The following TNRC6C variants were observed in gnomAD, a reference collection of about 807,000 sequenced individuals.
TNRC6C encodes the protein trinucleotide repeat containing adaptor 6C.
Under a neutral mutation model 153.7 loss-of-function variants are expected in TNRC6C, and 20 were observed. The observed-to-expected ratio is 0.13, with a 90% confidence interval of 0.09 to 0.19. The LOEUF is 0.19. Ranked by LOEUF, TNRC6C falls within the 10% of genes least tolerant of loss-of-function variation. The pLI, the probability that TNRC6C is intolerant of heterozygous loss-of-function variation, is 1.00. For synonymous variants in TNRC6C, 811 were observed against 841.4 expected (o/e 0.96, Z 0.63); for missense variants, 1,987 against 2,172.0 (o/e 0.91, Z 1.69).
intron 13 of TNRC6C, among the ~76,000 whole-genome samples, chr17:78,089,587 A>C (rs2073359153): frequency 6.6e-6 from 1 of 152,100 alleles, no homozygotes; most frequent in African/African-American, 2.4e-5. Flanking sequence ...CCTCATGTTC[A>C]GCCTGTCGTT....
chr17:78,041,958 A>AT lies in TNRC6C; in HGVS notation c.-218-6886dup, dbSNP rs781650766. On this transcript the variant is annotated intron_variant, in intron 2 of 19. Coordinates refer to ENST00000301624, the Ensembl canonical transcript of TNRC6C. The stretch of plus-strand genomic sequence containing the variant: ...CTGAGTAAATCTTGTCCACACTTTC[A>AT]TATCTGATTAAATCTGATACCTAAT... 2.6e-5 allele frequency among the ~76,000 whole-genome samples: 4 copies of AT among 152,206 alleles called. No homozygotes were observed. The South Asian group carries it at 8.3e-4, about 31-fold the overall frequency.
At chr17:78,005,225 T>A in intron 1 of TNRC6C, 146 bp downstream of exon 3, 1 of 496,212 alleles carries the variant, frequency 2.0e-6, no homozygotes, top group Non-Finnish European at 3.2e-6. Flanking sequence ...ATTGTGAAAT[T>A]CCTCATTTAT....
upstream of TNRC6C, among the ~76,000 whole-genome samples, chr17:78,000,811 C>T (rs915452367): frequency 1.3e-5 from 2 of 152,088 alleles, no homozygotes. Context: ...ATTGAATTTT[C>T]TTCTTTTACA....
At chr17:78,061,557 CTG>C (rs1266244499) in intron 3 of TNRC6C, among the ~76,000 whole-genome samples, 2 of 152,152 alleles carry the variant, frequency 1.3e-5, no homozygotes, top group Non-Finnish European at 2.9e-5. Context: ...GGGCAGGCAT[CTG>C]TAATCTCAGC....
intron 16 of TNRC6C, among the ~76,000 whole-genome samples, 169 bp from the exon 20 acceptor site, chr17:78,098,174 T>A (rs1345020247): frequency 6.6e-6 from 1 of 152,216 alleles, no homozygotes; most frequent in Admixed American, 6.5e-5. Context: ...GCAAAACACT[T>A]CTGGGAATTT....
chr17:78,051,320 A>G (rs2072527778), exon 3 of TNRC6C: 5 of 1,551,682 alleles, frequency 3.2e-6, no homozygotes, highest in African/African-American at 2.7e-5. Context: ...CCGGTCATCC[A>G]GAGCAGTACC....
At chr17:77,998,124 C>T (rs961435619) in intron 1 of TNRC6C, among the ~76,000 whole-genome samples, 3 of 152,086 alleles carry the variant, frequency 2.0e-5, no homozygotes, top group East Asian at 1.9e-4. Context: ...ATAATTCTGT[C>T]GCCCAACAAA....
chr17:78,071,226 G>C, intron 6 of TNRC6C, 61 bp downstream of exon 8: 3 of 1,489,842 alleles, frequency 2.0e-6, no homozygotes, highest in Non-Finnish European at 2.8e-6. Flanking sequence ...TGCCCTCATT[G>C]TTTCCTCTCC....
chr17:78,083,819 T>G (rs956089243), intron 11 of TNRC6C, among the ~76,000 whole-genome samples: 3 of 152,236 alleles, frequency 2.0e-5, no homozygotes, highest in Non-Finnish European at 4.4e-5. Flanking sequence ...TCTTGATTTT[T>G]TTTTAATTTT....
chr17:78,090,746 C>T (rs1030275901), intron 13 of TNRC6C, among the ~76,000 whole-genome samples: 2 of 152,210 alleles, frequency 1.3e-5, no homozygotes, highest in African/African-American at 4.8e-5. Flanking sequence ...ACCATCCCAG[C>T]TGGGGGCAGA....
At chr17:77,958,254 G>A (rs1298777090), upstream of TNRC6C, among the ~76,000 whole-genome samples, 1 of 151,980 alleles carries the variant, frequency 6.6e-6, no homozygotes, top group Admixed American at 6.5e-5. Flanking sequence ...AACCGGATCG[G>A]CACCCCTCCC....
At chr17:78,005,787 T>G (rs894273922) in intron 1 of TNRC6C, among the ~76,000 whole-genome samples, 1 of 152,084 alleles carries the variant, frequency 6.6e-6, no homozygotes, top group Non-Finnish European at 1.5e-5. Flanking sequence ...ATATTTAAAA[T>G]GAGAAAGGTA....
chr17:78,002,415 A>G (rs779182116), upstream of TNRC6C, among the ~76,000 whole-genome samples: 2 of 152,220 alleles, frequency 1.3e-5, no homozygotes, highest in Non-Finnish European at 2.9e-5. Flanking sequence ...TGTAACAGAA[A>G]AATAGCCTTT....
intron 1 of TNRC6C, among the ~76,000 whole-genome samples, chr17:78,026,118 T>A (rs28514992): frequency 0.043 from 6,535 of 152,328 alleles, 485 homozygotes; most frequent in African/African-American, 0.15. Flanking sequence ...CTAATTTTTT[T>A]ACATGATGTT....
chr17:77,958,402 G>C (rs1332819502), upstream of TNRC6C, among the ~76,000 whole-genome samples: 1 of 151,966 alleles, frequency 6.6e-6, no homozygotes, highest in Non-Finnish European at 1.5e-5. Context: ...CGGCCACTCG[G>C]AGCGCGCACC....
chr17:78,079,315 A>G lies in TNRC6C; in HGVS notation c.3211-80A>G, dbSNP rs2073138070. 3 of 1,571,492 alleles carry G rather than the reference A, an allele frequency of 1.9e-6. No homozygotes were observed. The highest frequency in any genetic ancestry group is 1.3e-5 in the African/African-American group (1 of 74,250). ...AGAAACAATTTTGCATTCACTTGAA[A>G]TAGATCATTTCACCCTACCTCCAAA... is the stretch of plus-strand genomic sequence containing the variant. On this transcript the variant is annotated intron_variant, in intron 9 of 19. Coordinates refer to ENST00000301624, the Ensembl canonical transcript of TNRC6C. This position sits in a 1 kb window ranked among gnomAD's most constrained non-coding sequence, Gnocchi z 4.3.
exon 20 of TNRC6C, chr17:78,105,007 A>G (rs1251167314): frequency 1.5e-5 from 14 of 921,302 alleles, no homozygotes; most frequent in Non-Finnish European, 1.9e-5. Context: ...ACTGTTCGCA[A>G]AACAGTGCGG....
chr17:78,092,161 T>G (rs2073406010), intron 14 of TNRC6C, among the ~76,000 whole-genome samples: 1 of 152,224 alleles, frequency 6.6e-6, no homozygotes, highest in Non-Finnish European at 1.5e-5. Context: ...AATTTAACTC[T>G]GAACTTCCTG....
upstream of TNRC6C, among the ~76,000 whole-genome samples, chr17:77,999,301 T>C (rs894620180): frequency 2.6e-5 from 4 of 152,236 alleles, no homozygotes; most frequent in African/African-American, 9.6e-5. Flanking sequence ...GTGCCATGCC[T>C]GCTACAGCAT....
Sources: gnomAD v4.1 joint callset for allele counts (sites outside exome capture counted in the v4.1 genomes callset) on GRCh38, gnomAD v4.1.1 for gene constraint, Gnocchi (gnomAD v3.1) non-coding constraint, MANE v1.5 for transcripts, NCBI Gene and HGNC (gene_info 2026-07-23, HGNC 2026-07-21) for gene names.